MCTP1: variants seen among roughly 807,000 people sequenced by gnomAD.
MCTP1 encodes multiple C2 and transmembrane domain-containing protein 1.
MCTP1 carries 69 observed loss-of-function variants against 120.6 expected under a neutral mutation model. The ratio of observed to expected loss-of-function variants is 0.57; its 90% CI spans 0.47 to 0.70. The LOEUF (loss-of-function observed/expected upper bound fraction) is 0.70. MCTP1 is among the 30% of genes least tolerant of loss of function. MCTP1 has a pLI of 0.00. For missense variants in MCTP1, 1,203 were observed against 1,248.8 expected, an observed-to-expected ratio of 0.96 and a Z score of 0.55; for synonymous variants, 529 against 493.1, an observed-to-expected ratio of 1.07 and a Z score of -0.96.
intron 1 of MCTP1, among the ~76,000 whole-genome samples, chr5:95,251,892 T>C (rs1757417283): frequency 6.6e-6 from 1 of 152,056 alleles, no homozygotes; most frequent in African/African-American, 2.4e-5. Flanking sequence ...ATCACATATC[T>C]AGTAAGTGTT....
At chr5:95,058,006 T>TACAACA (rs149279707) in intron 1 of MCTP1, among the ~76,000 whole-genome samples, 3 of 152,130 alleles carry the variant, frequency 2.0e-5, no homozygotes, top group Non-Finnish European at 4.4e-5. Context: ...TTAATTAAAT[T>TACAACA]ACAACAACAA....
intron 1 of MCTP1, among the ~76,000 whole-genome samples, chr5:95,180,593 C>T (rs1582458733): frequency 1.3e-5 from 2 of 152,024 alleles, no homozygotes; most frequent in South Asian, 2.1e-4. Context: ...GTCTACAGTT[C>T]GGGGCACTAC....
intron 1 of MCTP1, among the ~76,000 whole-genome samples, chr5:95,192,863 C>G (rs1463968044): frequency 6.6e-6 from 1 of 152,030 alleles, no homozygotes; most frequent in Non-Finnish European, 1.5e-5. Flanking sequence ...TTTTCCATAT[C>G]AGCAGGAACA....
intron 1 of MCTP1, among the ~76,000 whole-genome samples, chr5:95,138,973 C>T (rs769576554): frequency 1.3e-5 from 2 of 152,084 alleles, no homozygotes; most frequent in Non-Finnish European, 2.9e-5. Flanking sequence ...TACACACATA[C>T]ACACACACAT....
At chr5:94,771,873 G>A (rs1196251435) in intron 19 of MCTP1, among the ~76,000 whole-genome samples, 1 of 152,172 alleles carries the variant, frequency 6.6e-6, no homozygotes, top group East Asian at 1.9e-4. Flanking sequence ...TCTGAAATGA[G>A]TCTCACTGGG....
chr5:95,119,941 G>T (rs1323646109), intron 1 of MCTP1, among the ~76,000 whole-genome samples: 2 of 152,016 alleles, frequency 1.3e-5, no homozygotes, highest in Non-Finnish European at 2.9e-5. Context: ...GGGAGGCCGA[G>T]GTGGGCAGAT....
At chr5:95,170,714 C>T (rs1035506608) in intron 1 of MCTP1, among the ~76,000 whole-genome samples, 5 of 152,140 alleles carry the variant, frequency 3.3e-5, no homozygotes, top group Non-Finnish European at 7.4e-5. Flanking sequence ...TCTGTTTTAT[C>T]AGAGACTGGG....
chr5:95,065,451 G>T (rs919127450), intron 1 of MCTP1, among the ~76,000 whole-genome samples: 1 of 151,868 alleles, frequency 6.6e-6, no homozygotes, highest in African/African-American at 2.4e-5. Flanking sequence ...TTAAAATATG[G>T]GTTACCGTTA....
chr5:94,846,238 C>T (rs1420365236), intron 17 of MCTP1, among the ~76,000 whole-genome samples: 1 of 152,104 alleles, frequency 6.6e-6, no homozygotes, highest in African/African-American at 2.4e-5. Flanking sequence ...ATAGCAAAGA[C>T]ATGGAATCAA....
intron 1 of MCTP1, among the ~76,000 whole-genome samples, chr5:95,099,579 T>C (rs2152363752): frequency 6.7e-6 from 1 of 150,126 alleles, no homozygotes; most frequent in South Asian, 2.1e-4. Context: ...TGAGATATCA[T>C]CTCACACCAG....
rs1832919207 is a variant in MCTP1 at position 94,997,849 on chromosome 5, T to C, written c.838+19518A>G. ...TCAATGCAGTAAAAACTGTGTCTCA[T>C]GCTTCTTAAAATTAATTACATTTAA... On this transcript the variant is annotated intron_variant, in intron 2 of 22. Coordinates refer to ENST00000515393, the MANE Select transcript of MCTP1 (RefSeq NM_024717.7). 2.0e-5 allele frequency among the ~76,000 whole-genome samples: 3 copies of C among 152,198 alleles called. 1 individual carries two copies. In the South Asian group the frequency reaches 6.2e-4, roughly 31 times the overall value.
At chr5:95,082,827 T>C (rs1295351759) in intron 1 of MCTP1, among the ~76,000 whole-genome samples, 3 of 152,172 alleles carry the variant, frequency 2.0e-5, no homozygotes, top group Non-Finnish European at 4.4e-5. Context: ...TTGAATAGCA[T>C]AGGCCTAGGG....
At chr5:95,079,165 G>A (rs1754316890) in intron 1 of MCTP1, among the ~76,000 whole-genome samples, 1 of 152,098 alleles carries the variant, frequency 6.6e-6, no homozygotes, top group African/African-American at 2.4e-5. Context: ...GTTTATCTCA[G>A]GGGGGATAAG....
chr5:95,073,334 C>A (rs1046947800), intron 1 of MCTP1, among the ~76,000 whole-genome samples: 52 of 152,326 alleles, frequency 3.4e-4, no homozygotes, highest in African/African-American at 1.2e-3. Context: ...GGCTCAACTT[C>A]TCTTTGCTGC....
chr5:95,273,698 CAT>C (rs1317023603), intron 1 of MCTP1, among the ~76,000 whole-genome samples: 1 of 152,194 alleles, frequency 6.6e-6, no homozygotes, highest in Non-Finnish European at 1.5e-5. Flanking sequence ...TATTAGAGTA[CAT>C]AGGTGACAAT....
intron 17 of MCTP1, among the ~76,000 whole-genome samples, chr5:94,825,688 G>C (rs572764257): frequency 6.6e-6 from 1 of 151,798 alleles, no homozygotes; most frequent in East Asian, 1.9e-4. Context: ...TCTCTTTGTA[G>C]GTCTCTAAGA....
intron 1 of MCTP1, among the ~76,000 whole-genome samples, chr5:95,269,060 C>T (rs996726597): frequency 1.2e-4 from 19 of 152,276 alleles, no homozygotes; most frequent in African/African-American, 4.3e-4. Context: ...TCTAAGCCTC[C>T]ACTGATTTAT....
At chr5:94,811,101 T>G (rs1311858169) in intron 17 of MCTP1, among the ~76,000 whole-genome samples, 1 of 152,220 alleles carries the variant, frequency 6.6e-6, no homozygotes, top group Non-Finnish European at 1.5e-5. Flanking sequence ...AGAGTTATGT[T>G]TAGCAGCTCT....
In MCTP1 at chr5:95,256,460, T is replaced by C. The variant is rs1490318015; in HGVS notation, c.720+27396A>G. 2.6e-5 allele frequency among the ~76,000 whole-genome samples: 4 copies of C among 152,124 alleles called. No individual in the cohort carries two copies. In the East Asian group the frequency reaches 7.7e-4, roughly 29 times the overall value. On this transcript the variant is annotated intron_variant, in intron 1 of 22. Transcript: ENST00000515393. ...TGGGAGGAGAGCTGGAAGGGAAAAG[T>C]CAGAGTACTTGGTACCTACTTCATT... is the stretch of plus-strand genomic sequence containing the variant.
Sources: gnomAD v4.1 joint callset for allele counts (sites outside exome capture counted in the v4.1 genomes callset) on GRCh38, gnomAD v4.1.1 for gene constraint, MANE v1.5 for transcripts, NCBI Gene and HGNC (gene_info 2026-07-23, HGNC 2026-07-21) for gene names.